The following PPP3CA variants were observed in gnomAD, a reference collection of about 807,000 sequenced individuals.
PPP3CA encodes CAM-PRP catalytic subunit.
PPP3CA carries 14 observed loss-of-function variants against 66.5 expected under a neutral mutation model. The ratio of observed to expected loss-of-function variants is 0.21; its 90% confidence interval spans 0.14 to 0.33. The LOEUF (loss-of-function observed/expected upper bound fraction) is 0.33. Among genes scored for constraint, PPP3CA ranks in the 10% least tolerant of loss-of-function variants. PPP3CA has a pLI of 1.00. For missense variants in PPP3CA, 317 were observed against 639.5 expected, an observed-to-expected ratio of 0.50 and a Z score of 5.44; for synonymous variants, 232 against 226.2, an observed-to-expected ratio of 1.03 and a Z score of -0.23.
intron 11 of PPP3CA, among the ~76,000 whole-genome samples, chr4:101,036,700 C>CGG (rs754405111): frequency 6.3e-4 from 96 of 152,228 alleles, no homozygotes; most frequent in Non-Finnish European, 1.2e-3. Context: ...GCGTGAGCCA[C>CGG]CGCACCCAGC....
chr4:101,038,647 C>G (rs918720948), intron 11 of PPP3CA, among the ~76,000 whole-genome samples: 1 of 152,058 alleles, frequency 6.6e-6, no homozygotes, highest in Non-Finnish European at 1.5e-5. Context: ...GGATTACAGG[C>G]GTGAGCCACC....
At chr4:101,166,129 T>G (rs1723687508) in intron 2 of PPP3CA, among the ~76,000 whole-genome samples, 1 of 152,136 alleles carries the variant, frequency 6.6e-6, no homozygotes, top group Non-Finnish European at 1.5e-5. Flanking sequence ...ACAACAACCA[T>G]TTAGATAATG....
intron 8 of PPP3CA, among the ~76,000 whole-genome samples, chr4:101,078,813 C>T (rs1729298872): frequency 6.6e-6 from 1 of 152,172 alleles, no homozygotes; most frequent in Non-Finnish European, 1.5e-5. Context: ...CAATAATCTT[C>T]ACTTTAGCAG....
rs1400024106 is a variant in PPP3CA, at chr4:101,330,791, T to TC, written c.58+15947dup. ...CAATAACTAGCACTACACTTTTTTTTCATAGCCTTAACCTAGGGGAAAAAC... is the reference window on the plus strand; with the variant it reads ...CAATAACTAGCACTACACTTTTTTTTCCATAGCCTTAACCTAGGGGAAAAAC... On this transcript the variant is annotated intron_variant, in intron 1 of 13. Transcript: ENST00000394854. 7.9e-5 allele frequency among the ~76,000 whole-genome samples: 12 copies of TC among 152,292 alleles called. No homozygotes were observed. In the East Asian group the frequency reaches 2.3e-3, roughly 29 times the overall value.
chr4:101,060,562 T>TA (rs1261059628), intron 10 of PPP3CA, among the ~76,000 whole-genome samples: 1 of 152,038 alleles, frequency 6.6e-6, no homozygotes, highest in Admixed American at 6.6e-5. Context: ...AGTAATATCT[T>TA]AAAAAACATA....
At chr4:101,157,196 A>G (rs561341630) in intron 2 of PPP3CA, among the ~76,000 whole-genome samples, 3 of 152,164 alleles carry the variant, frequency 2.0e-5, no homozygotes, top group Non-Finnish European at 4.4e-5. Flanking sequence ...CTCACTTAGT[A>G]AGTGATGAAA....
At chr4:101,306,651 C>A (rs539909279) in intron 1 of PPP3CA, among the ~76,000 whole-genome samples, 2 of 152,178 alleles carry the variant, frequency 1.3e-5, no homozygotes, top group East Asian at 1.9e-4. Context: ...CAAAATTCAG[C>A]AGAAGCAAAC....
intron 11 of PPP3CA, among the ~76,000 whole-genome samples, chr4:101,036,378 GTGT>G (rs1459722542): frequency 1.3e-5 from 2 of 151,256 alleles, no homozygotes; most frequent in Non-Finnish European, 2.9e-5. Context: ...TCTTGTCTCT[GTGT>G]TGTTTACTCT....
intron 2 of PPP3CA, among the ~76,000 whole-genome samples, chr4:101,162,831 A>T (rs893667439): frequency 1.3e-5 from 2 of 152,152 alleles, no homozygotes; most frequent in African/African-American, 4.8e-5. Flanking sequence ...TCATTTAGAA[A>T]ATGGCCATGC....
At chr4:101,238,602 A>C (rs74975160) in intron 1 of PPP3CA, among the ~76,000 whole-genome samples, 1,986 of 152,142 alleles carry the variant, frequency 0.013, 32 homozygotes, top group African/African-American at 0.045. Context: ...CAAAGTACTA[A>C]AATCCCCTAG....
At chr4:101,163,666 T>C (rs986483442) in intron 2 of PPP3CA, among the ~76,000 whole-genome samples, 1 of 152,162 alleles carries the variant, frequency 6.6e-6, no homozygotes, top group Non-Finnish European at 1.5e-5. Flanking sequence ...CTGGGCTGGG[T>C]TATGGAAGCA....
chr4:101,236,058 C>T (rs1048925625), intron 1 of PPP3CA, among the ~76,000 whole-genome samples: 11 of 149,942 alleles, frequency 7.3e-5, no homozygotes, highest in Non-Finnish European at 1.5e-4. Context: ...AGGAATAAGA[C>T]AGACACCAGC....
intron 13 of PPP3CA, among the ~76,000 whole-genome samples, chr4:101,026,599 T>C (rs1021310344): frequency 1.3e-5 from 2 of 152,060 alleles, no homozygotes; most frequent in Non-Finnish European, 2.9e-5. Flanking sequence ...GGCATTTCCA[T>C]GCCATCTCAG....
chr4:101,080,660 G>C, intron 7 of PPP3CA, 34 bp from the exon 8 acceptor site: 1 of 1,284,288 alleles, frequency 7.8e-7, no homozygotes, highest in East Asian at 2.4e-5. Context: ...AACAAAGCTT[G>C]TATGGAAAAA....
At chr4:101,208,260 A>G (rs1022763530) in intron 1 of PPP3CA, among the ~76,000 whole-genome samples, 2 of 152,208 alleles carry the variant, frequency 1.3e-5, no homozygotes, top group Non-Finnish European at 2.9e-5. Flanking sequence ...ATCAGATGAT[A>G]TAAGTGTGTG....
At chr4:101,069,417 A>T (rs1464970937) in intron 8 of PPP3CA, among the ~76,000 whole-genome samples, 1 of 152,138 alleles carries the variant, frequency 6.6e-6, no homozygotes, top group Non-Finnish European at 1.5e-5. Flanking sequence ...ACCTCTATAT[A>T]CTTTATATAA....
chr4:101,295,164 G>A (rs368577940), intron 1 of PPP3CA, among the ~76,000 whole-genome samples: 2,007 of 150,998 alleles, frequency 0.013, 50 homozygotes, highest in African/African-American at 0.045. Context: ...AGCCGGGCGC[G>A]GTGGCGGGCG....
chr4:101,152,395 T>C (rs963542449), intron 2 of PPP3CA, among the ~76,000 whole-genome samples: 5 of 152,228 alleles, frequency 3.3e-5, no homozygotes, highest in African/African-American at 1.2e-4. Context: ...CTTTTGGATA[T>C]TTGAAAAAGA....
intron 10 of PPP3CA, among the ~76,000 whole-genome samples, chr4:101,048,569 G>T (rs1415173024): frequency 7.1e-6 from 1 of 141,116 alleles, no homozygotes. Flanking sequence ...TACTATTTTG[G>T]GCAAAAGAGA....
Sources: allele counts gnomAD v4.1 joint callset (sites outside exome capture counted in the v4.1 genomes callset), GRCh38; gene constraint gnomAD v4.1.1; transcripts MANE v1.5; gene names NCBI Gene and HGNC (gene_info 2026-07-23, HGNC 2026-07-21).